Variants in PRKAG2 observed in about 807,000 individuals in gnomAD.
The protein encoded by PRKAG2 is 5'-AMP-activated protein kinase subunit gamma-2.
A neutral mutation model predicts 69.6 loss-of-function variants in PRKAG2; 26 were observed. The ratio of observed to expected loss-of-function variants is 0.37; its 90% CI spans 0.27 to 0.52. The LOEUF (loss-of-function observed/expected upper bound fraction) is 0.52. PRKAG2 is among the 20% of genes least tolerant of loss of function. PRKAG2 has a pLI of 0.90. For missense variants in PRKAG2, 557 were observed against 740.0 expected (o/e 0.75, Z 2.87); for synonymous variants, 293 against 285.0 (o/e 1.03, Z -0.28).
intron 3 of PRKAG2, among the ~76,000 whole-genome samples, chr7:151,717,107 T>C (rs965404709): frequency 1.3e-5 from 2 of 151,732 alleles, no homozygotes; most frequent in Admixed American, 1.3e-4. Context: ...ATTAGTCGAG[T>C]TGGGTGACGC....
In PRKAG2 at chr7:151,632,017, G is replaced by T. The variant is rs561053742; in HGVS notation, c.754+52C>A. ...GGGGTCCCCGCGGGTCCCGGTCCTC[G>T]GGCGGCCGGGCCGTGGGAGCGCCGG... is the stretch of plus-strand genomic sequence containing the variant. On this transcript the variant is annotated intron_variant, in intron 5 of 15. Transcript: ENST00000287878. This position sits in a 1 kb window ranked among gnomAD's most constrained non-coding sequence, Gnocchi z 4.2. 60 of 1,234,766 alleles carry T rather than the reference G, an allele frequency of 4.9e-5. 1 individual carries two copies. The South Asian group carries it at 1.5e-3, about 30-fold the overall frequency. 76.5% of individuals were successfully genotyped at this position (1,234,766 alleles called of 1,614,324 possible).
At position 151,813,756 on chromosome 7, in the gene PRKAG2, A is replaced by G. The variant is rs184502355; in HGVS notation, c.115-27215T>C. On this transcript the variant is annotated intron_variant, in intron 1 of 15. Coordinates refer to ENST00000287878, the MANE Select transcript of PRKAG2 (RefSeq NM_016203.4). ...TCTTCCTTCCCTTCCTCTCTCCCCCACTCCCCTCCCATCTGCTGCTTCTTT... is the reference window on the plus strand; with the variant it reads ...TCTTCCTTCCCTTCCTCTCTCCCCCGCTCCCCTCCCATCTGCTGCTTCTTT... Among the ~76,000 whole-genome samples, 495 of 150,082 alleles carry G rather than the reference A, an allele frequency of 3.3e-3. 3 individuals are homozygous for G. The Middle Eastern group carries it at 0.035, about 11-fold the overall frequency.
chr7:151,851,645 C>G (rs1249255214), intron 1 of PRKAG2, among the ~76,000 whole-genome samples: 1 of 152,204 alleles, frequency 6.6e-6, no homozygotes, highest in Admixed American at 6.5e-5. Context: ...CCATTAACCA[C>G]TAACCCCTGG....
At chr7:151,617,116 C>A (rs1359125385) in intron 5 of PRKAG2, among the ~76,000 whole-genome samples, 2 of 151,772 alleles carry the variant, frequency 1.3e-5, no homozygotes, top group Non-Finnish European at 2.9e-5. Context: ...ACAAAATTAG[C>A]CGGGCTTGGT....
intron 1 of PRKAG2, among the ~76,000 whole-genome samples, chr7:151,847,785 G>A (rs753788820): frequency 6.6e-6 from 1 of 152,254 alleles, no homozygotes; most frequent in East Asian, 1.9e-4. Context: ...GGTTTCAGGT[G>A]TAGAGAAAAG....
At chr7:151,595,528 C>T (rs574858008) in intron 5 of PRKAG2, 74 bp from the exon 6 acceptor site, 124 of 1,018,348 alleles carry the variant, frequency 1.2e-4, no homozygotes, top group South Asian at 7.3e-4. Flanking sequence ...TATACGTAAA[C>T]CTATCACTAA....
At position 151,652,990 on chromosome 7, in the gene PRKAG2, G is replaced by A. The variant is rs192174931; in HGVS notation, c.685-20852C>T. Among the ~76,000 whole-genome samples the A allele has an allele frequency of 2.4e-3, 367 of 152,238 alleles. 3 individuals carry two copies. The highest frequency in any genetic ancestry group is 8.1e-3 in the African/African-American group (336 of 41,548). On this transcript the variant is annotated intron_variant, in intron 4 of 15. Coordinates refer to ENST00000287878, the MANE Select transcript of PRKAG2 (RefSeq NM_016203.4). ...CTGATTTGATAACTACTGAACTGCC[G>A]TACAGCAAGACCTCAAGCTCAGAAA...
At chr7:151,797,039 C>G (rs2077578877) in intron 1 of PRKAG2, among the ~76,000 whole-genome samples, 1 of 152,138 alleles carries the variant, frequency 6.6e-6, no homozygotes, top group Non-Finnish European at 1.5e-5. Flanking sequence ...AGGGAAAGGC[C>G]CCGAGGCCCC....
chr7:151,563,187 G>A (rs1356355953), intron 14 of PRKAG2, among the ~76,000 whole-genome samples: 1 of 152,130 alleles, frequency 6.6e-6, no homozygotes, highest in Non-Finnish European at 1.5e-5. Flanking sequence ...CACTGATACT[G>A]TACACCCTTC....
chr7:151,602,757 T>C (rs889856287), intron 5 of PRKAG2, among the ~76,000 whole-genome samples: 1 of 152,132 alleles, frequency 6.6e-6, no homozygotes. Flanking sequence ...CAGGACCTGC[T>C]GGGAGGTGAT....
At chr7:151,729,167 AG>A (rs1798503073) in intron 3 of PRKAG2, among the ~76,000 whole-genome samples, 1 of 16,654 alleles carries the variant, frequency 6.0e-5, no homozygotes, top group South Asian at 1.8e-3. Flanking sequence ...TGGGGCGGAC[AG>A]GGGGTGGCGG....
chr7:151,726,736 C>T (rs1798043449), intron 3 of PRKAG2, among the ~76,000 whole-genome samples: 1 of 152,094 alleles, frequency 6.6e-6, no homozygotes, highest in Non-Finnish European at 1.5e-5. Flanking sequence ...CCAGACGATG[C>T]CAATCTTGAG....
At position 151,595,392 on chromosome 7, in the gene PRKAG2, T is replaced by C. The variant is rs1301217852; in HGVS notation, c.817A>G (p.Ile273Val). 3 of 1,614,100 alleles carry C rather than the reference T, an allele frequency of 1.9e-6. No homozygotes were observed. The highest frequency in any genetic ancestry group is 2.5e-6 in the Non-Finnish European group (3 of 1,179,986). ...RFMRSHKCYDIVPTSSKLVVF... is the reference protein window; with the variant it reads ...RFMRSHKCYDVVPTSSKLVVF... ...ACAAGCTTTGAACTGGTTGGAACGA[T>C]GTCATAACACTTGTGTGACCTCATG... Residue 273 changes from isoleucine to valine, a missense_variant, in exon 6 of 16, where the codon ATC (isoleucine) becomes GTC (valine). Ile to Val is a conservative substitution (Grantham distance 29). Coordinates refer to ENST00000287878, the MANE Select transcript of PRKAG2 (RefSeq NM_016203.4).
At chr7:151,617,489 C>T (rs1820463081) in intron 5 of PRKAG2, among the ~76,000 whole-genome samples, 1 of 151,976 alleles carries the variant, frequency 6.6e-6, no homozygotes, top group Admixed American at 6.6e-5. Context: ...TTCTCTCTAC[C>T]ATTTCATATG....
chr7:151,763,326 G>C (rs1237808554), intron 3 of PRKAG2, among the ~76,000 whole-genome samples: 2 of 152,236 alleles, frequency 1.3e-5, no homozygotes, highest in East Asian at 3.9e-4. Context: ...TCCCGGCACA[G>C]AGTCGAGCAC....
intron 3 of PRKAG2, among the ~76,000 whole-genome samples, chr7:151,743,825 T>C (rs1261545633): frequency 6.6e-6 from 1 of 152,210 alleles, no homozygotes; most frequent in Non-Finnish European, 1.5e-5. Flanking sequence ...GAGGCTGTGC[T>C]GACTGCTCCT....
At position 151,828,833 on chromosome 7, in the gene PRKAG2, C is replaced by A. The variant is rs1461570477; in HGVS notation, c.115-42292G>T. ...GGCTGAGGTGGAAGGATCACTTAAGCTCAGGAGTTTGAGGCTGCAGTGAGC... is the reference window on the plus strand; with the variant it reads ...GGCTGAGGTGGAAGGATCACTTAAGATCAGGAGTTTGAGGCTGCAGTGAGC... On this transcript the variant is annotated intron_variant, in intron 1 of 15. Coordinates refer to ENST00000287878, the MANE Select transcript of PRKAG2 (RefSeq NM_016203.4). The surrounding 1 kb of genome is among the most constrained non-coding windows in gnomAD (Gnocchi z 4.6). Among the ~76,000 whole-genome samples the A allele has an allele frequency of 6.6e-6, 1 of 152,024 alleles. No homozygotes were observed. Among genetic ancestry groups the A allele is most frequent in the Non-Finnish European group, 1.5e-5 (1 of 68,014 alleles).
intron 5 of PRKAG2, among the ~76,000 whole-genome samples, chr7:151,615,786 T>C (rs1022160397): frequency 8.5e-5 from 13 of 152,142 alleles, no homozygotes; most frequent in Admixed American, 7.2e-4. Context: ...AAAGAAGACA[T>C]ACACATGGCT....
intron 4 of PRKAG2, among the ~76,000 whole-genome samples, chr7:151,651,016 G>C (rs112954218): frequency 9.9e-5 from 15 of 152,198 alleles, no homozygotes; most frequent in African/African-American, 3.6e-4. Context: ...TGAATAAACT[G>C]AGCCTGTCAC....
Sources: gnomAD v4.1 joint callset for allele counts (sites outside exome capture counted in the v4.1 genomes callset) on GRCh38, gnomAD v4.1.1 for gene constraint, Gnocchi (gnomAD v3.1) non-coding constraint, MANE v1.5 for transcripts, NCBI Gene and HGNC (gene_info 2026-07-23, HGNC 2026-07-21) for gene names.